C10orf143: variants seen among roughly 807,000 people sequenced by gnomAD.
C10orf143 encodes the protein uncharacterized protein C10orf143.
At chr10:130,110,596 C>T (rs1861749348) in intron 1 of C10orf143, 108 bp downstream of exon 1, 6 of 397,822 alleles carry the variant, frequency 1.5e-5, no homozygotes, top group Admixed American at 8.8e-5. Flanking sequence ...TGTCTTGGGC[C>T]AGGCCTCCTC....
chr10:130,070,636 T>C (rs1024045188), intron 3 of C10orf143, among the ~76,000 whole-genome samples: 1 of 152,156 alleles, frequency 6.6e-6, no homozygotes, highest in Non-Finnish European at 1.5e-5. Flanking sequence ...TCAGTAGAAA[T>C]AACGCCCTTA....
At chr10:130,066,532 T>C (rs1290057995) in intron 3 of C10orf143, 4 of 152,180 alleles carry the variant, frequency 2.6e-5, no homozygotes, top group African/African-American at 9.7e-5. Context: ...CCTTTAGAAA[T>C]TGCTCTTTAG....
At chr10:130,095,732 TA>T (rs55967132) in intron 1 of C10orf143, among the ~76,000 whole-genome samples, 96,539 of 151,956 alleles carry the variant, frequency 0.64, 30,921 homozygotes, top group Admixed American at 0.72. Context: ...GAAGACTGGC[TA>T]AGCCATATGC....
At chr10:130,063,612 T>C (rs1477133460), downstream of C10orf143, among the ~76,000 whole-genome samples, 1 of 152,118 alleles carries the variant, frequency 6.6e-6, no homozygotes, top group Non-Finnish European at 1.5e-5. Context: ...CATGATGACT[T>C]ATAGAGGGGG....
intron 1 of C10orf143, among the ~76,000 whole-genome samples, chr10:130,093,616 T>C (rs763516468): frequency 6.6e-6 from 1 of 152,066 alleles, no homozygotes; most frequent in Non-Finnish European, 1.5e-5. Context: ...AAAAAATCAA[T>C]GAATCCAGGA....
At chr10:130,110,397 A>C (rs1263795067) in intron 1 of C10orf143, among the ~76,000 whole-genome samples, 1 of 152,218 alleles carries the variant, frequency 6.6e-6, no homozygotes, top group Non-Finnish European at 1.5e-5. Flanking sequence ...AGGTCCTGCA[A>C]TGAGTCTCGG....
downstream of C10orf143, among the ~76,000 whole-genome samples, chr10:130,059,353 C>A (rs1450680212): frequency 3.3e-5 from 5 of 152,054 alleles, no homozygotes; most frequent in Admixed American, 3.3e-4. Context: ...AAATAATAAA[C>A]TGGGAAAAAT....
At chr10:130,108,119 C>T (rs1393891745) in intron 1 of C10orf143, 1 of 1,551,548 alleles carries the variant, frequency 6.4e-7, no homozygotes, top group East Asian at 2.3e-5. Context: ...CTTTGTTCCT[C>T]CACCTCTTGC....
chr10:130,097,004 A>T (rs1259647874), intron 1 of C10orf143, among the ~76,000 whole-genome samples: 1 of 150,646 alleles, frequency 6.6e-6, no homozygotes, highest in Non-Finnish European at 1.5e-5. Flanking sequence ...TCTGTCACCC[A>T]GGCTGGAGTG....
intron 1 of C10orf143, among the ~76,000 whole-genome samples, chr10:130,088,700 G>C (rs926461174): frequency 1.4e-4 from 21 of 152,254 alleles, no homozygotes; most frequent in African/African-American, 5.1e-4. Context: ...GATGCCCATT[G>C]GTCTGAACAC....
At position 130,064,126 on chromosome 10, in the gene C10orf143, G is replaced by A; in HGVS notation, c.*228C>T. ...GAAAGGAGGCTGTAGTACGTAGTAA[G>A]GATTTGGGGGCTCTTTTGAAGTGAT... On this transcript the variant is annotated 3_prime_UTR_variant, in exon 4 of 4. Transcript: ENST00000637128. The A allele has an allele frequency of 5.3e-6, 2 of 378,410 alleles. No homozygotes were observed. Among genetic ancestry groups the A allele is most frequent in the East Asian group, 3.8e-5 (1 of 26,650 alleles). The allele number at this position is 378,410 out of a possible 1,614,324, so 23.4% of individuals were successfully genotyped here.
At chr10:130,060,265 C>T (rs930557044), downstream of C10orf143, among the ~76,000 whole-genome samples, 2 of 152,154 alleles carry the variant, frequency 1.3e-5, no homozygotes, top group Non-Finnish European at 2.9e-5. Flanking sequence ...CCAGAAGGTG[C>T]CCTCTGCACC....
chr10:130,075,556 G>A (rs1445530394), intron 3 of C10orf143, among the ~76,000 whole-genome samples: 1 of 152,176 alleles, frequency 6.6e-6, no homozygotes, highest in African/African-American at 2.4e-5. Flanking sequence ...ACTGTAACAA[G>A]ATTTGGCTAC....
At chr10:130,102,414 A>G (rs1278448682) in intron 1 of C10orf143, among the ~76,000 whole-genome samples, 1 of 152,050 alleles carries the variant, frequency 6.6e-6, no homozygotes, top group African/African-American at 2.4e-5. Flanking sequence ...CTGGGATTAT[A>G]GGCGCCTGCC....
chr10:130,083,684 G>A (rs1243436554), intron 1 of C10orf143, among the ~76,000 whole-genome samples: 1 of 152,110 alleles, frequency 6.6e-6, no homozygotes, highest in Admixed American at 6.6e-5. Flanking sequence ...AGAAAGAAGG[G>A]GTTATAAGAA....
At chr10:130,087,935 C>T (rs1443259793) in intron 1 of C10orf143, among the ~76,000 whole-genome samples, 1 of 152,212 alleles carries the variant, frequency 6.6e-6, no homozygotes, top group Non-Finnish European at 1.5e-5. Context: ...TCTCTGACCT[C>T]TTCAACAGAA....
downstream of C10orf143, among the ~76,000 whole-genome samples, chr10:130,058,996 G>A (rs190541273): frequency 2.6e-5 from 4 of 152,166 alleles, no homozygotes; most frequent in Admixed American, 2.0e-4. Context: ...GAACAGAGAA[G>A]CAAGTAAAGA....
At chr10:130,038,240 G>C (rs1158996237) in intron 3 of C10orf143, among the ~76,000 whole-genome samples, 1 of 152,208 alleles carries the variant, frequency 6.6e-6, no homozygotes, top group East Asian at 1.9e-4. Flanking sequence ...GAGAGAGAGG[G>C]CCAGCCGCTG....
intron 3 of C10orf143, among the ~76,000 whole-genome samples, chr10:130,069,216 G>C (rs1860990573): frequency 6.6e-6 from 1 of 152,126 alleles, no homozygotes; most frequent in Non-Finnish European, 1.5e-5. Flanking sequence ...AGACATCATG[G>C]AGTGAGAGGC....
Sources: gnomAD v4.1 joint callset for allele counts (sites outside exome capture counted in the v4.1 genomes callset) on GRCh38, gnomAD v4.1.1 for gene constraint, MANE v1.5 for transcripts, NCBI Gene and HGNC (gene_info 2026-07-23, HGNC 2026-07-21) for gene names.